Variants in RFTN1 observed in about 807,000 individuals in gnomAD.
RFTN1 encodes the protein raftlin, lipid raft linker 1.
RFTN1 carries 26 observed loss-of-function variants against 46.5 expected under a neutral mutation model. The observed-to-expected ratio is 0.56, with a 90% CI of 0.41 to 0.78. The LOEUF is 0.78. RFTN1 is among the 30% of genes least tolerant of loss of function. The pLI, the probability that RFTN1 is intolerant of heterozygous loss-of-function variation, is 0.00. For synonymous variants in RFTN1, 261 were observed against 284.2 expected (o/e 0.92, Z 0.82); for missense variants, 693 against 718.7 (o/e 0.96, Z 0.41).
intron 2 of RFTN1, among the ~76,000 whole-genome samples, chr3:16,462,963 AAG>A (rs1340133770): frequency 6.6e-6 from 1 of 152,348 alleles, no homozygotes; most frequent in East Asian, 1.9e-4. Flanking sequence ...ACAATGAGCA[AAG>A]AGGTTTGGTT....
rs989816375 is a variant in RFTN1, at chr3:16,368,398, A to G, written c.1030+1678T>C. ...TAAAGACACGTATATTCGGCCGGGC[A>G]CAGTGGCTCACGCCTGTAATCCCAG... On this transcript the variant is annotated intron_variant, in intron 6 of 9. Transcript: ENST00000334133. 8.5e-5 allele frequency among the ~76,000 whole-genome samples: 13 copies of G among 152,318 alleles called. No homozygotes were observed. In the East Asian group the frequency reaches 2.1e-3, roughly 25 times the overall value.
rs1004067315 is a variant in RFTN1, at chr3:16,346,485, T to C, written c.1146+11447A>G. ...CAAACCGTCAACAAGTCCAGTCTTC[T>C]TGAAAATACCTCTAGGAGCATCCTG... On this transcript the variant is annotated intron_variant, in intron 7 of 9. Transcript: ENST00000334133. This position sits in a 1 kb window ranked among gnomAD's most constrained non-coding sequence, Gnocchi z 4.4. 1 of 152,178 alleles carries C rather than the reference T, an allele frequency of 6.6e-6. No homozygotes were observed. The highest frequency in any genetic ancestry group is 1.5e-5 in the Non-Finnish European group (1 of 68,022). The allele number at this position is 152,178 out of a possible 1,614,324, so 9.4% of individuals were successfully genotyped here. A position where few individuals can be genotyped will look rare whatever the true frequency, so the allele number is the denominator to read the frequency against.
In RFTN1 at chr3:16,449,166, A is replaced by G. The variant is rs1239461963; in HGVS notation, c.146-15129T>C. On this transcript the variant is annotated intron_variant, in intron 2 of 9. Transcript: ENST00000334133. This position sits in a 1 kb window ranked among gnomAD's most constrained non-coding sequence, Gnocchi z 5.1. ...TTCATACGAAATGAGTAGGATTATT[A>G]CTTTGTTTTAACCAGAGTGCATTTT... Among the ~76,000 whole-genome samples, 1 of 152,230 alleles carries G rather than the reference A, an allele frequency of 6.6e-6. No homozygotes were observed. Among genetic ancestry groups the G allele is most frequent in the Non-Finnish European group, 1.5e-5 (1 of 68,034 alleles).
chr3:16,444,358 T>C (rs73022295), intron 2 of RFTN1, among the ~76,000 whole-genome samples: 6,876 of 152,318 alleles, frequency 0.045, 214 homozygotes, highest in Middle Eastern at 0.068. Flanking sequence ...AAATCCTGTA[T>C]GGATTTTCTA....
At chr3:16,463,645 T>G (rs1487789699) in intron 2 of RFTN1, among the ~76,000 whole-genome samples, 1 of 152,254 alleles carries the variant, frequency 6.6e-6, no homozygotes, top group Non-Finnish European at 1.5e-5. Context: ...TTGCTAAATA[T>G]AATTCTATTC....
chr3:16,317,977 G>A lies in RFTN1; in HGVS notation c.1333-745C>T, dbSNP rs1192538894. Among the ~76,000 whole-genome samples the A allele has an allele frequency of 6.6e-6, 1 of 152,208 alleles. No homozygotes were observed. Among genetic ancestry groups the A allele is most frequent in the East Asian group, 1.9e-4 (1 of 5,202 alleles). On this transcript the variant is annotated intron_variant, in intron 9 of 9. Transcript: ENST00000334133. The surrounding 1 kb of genome is among the most constrained non-coding windows in gnomAD (Gnocchi z 4.3). ...CCTCTGCCCGCTACTGTACCGACAA[G>A]TGTTCTAAGGTAACTCCCTCTAAAA...
chr3:16,373,606 A>C (rs1383359660), intron 5 of RFTN1, among the ~76,000 whole-genome samples: 2 of 152,160 alleles, frequency 1.3e-5, no homozygotes, highest in African/African-American at 2.4e-5. Flanking sequence ...TAAGCAGGGG[A>C]CTGGCTGGGC....
At chr3:16,493,908 G>T in intron 1 of RFTN1, 31 bp from the exon 2 acceptor site, 1 of 1,611,166 alleles carries the variant, frequency 6.2e-7, no homozygotes, top group South Asian at 1.1e-5. Flanking sequence ...GCGGGGAGGT[G>T]ATTTTTTTCT....
rs2071560709 is a variant in RFTN1 at position 16,345,234 on chromosome 3, C to A, written c.1146+12698G>T. ...GTTCAGCCCACCTGGATTTCTGGCC[C>A]ACAGAAACTGTAAGATAATAAGTAG... On this transcript the variant is annotated intron_variant, in intron 7 of 9. Transcript: ENST00000334133. The surrounding 1 kb of genome is among the most constrained non-coding windows in gnomAD (Gnocchi z 5.2). 6.7e-6 allele frequency: 1 copy of A among 148,352 alleles called. No homozygotes were observed. The highest frequency in any genetic ancestry group is 2.6e-5 in the African/African-American group (1 of 37,932). The allele number at this position is 148,352 out of a possible 1,614,324, so 9.2% of individuals were successfully genotyped here.
chr3:16,502,932 A>G (rs1443128808), intron 1 of RFTN1, among the ~76,000 whole-genome samples: 2 of 152,236 alleles, frequency 1.3e-5, no homozygotes, highest in African/African-American at 4.8e-5. Flanking sequence ...CAGGCAGTTC[A>G]TGTTAACAGA....
At chr3:16,472,986 A>T (rs960111648) in intron 2 of RFTN1, among the ~76,000 whole-genome samples, 1 of 152,228 alleles carries the variant, frequency 6.6e-6, no homozygotes. Context: ...AGAGTCAGAC[A>T]GGTAGGGCGA....
At position 16,450,513 on chromosome 3, in the gene RFTN1, A is replaced by G. The variant is rs985305216; in HGVS notation, c.146-16476T>C. Among the ~76,000 whole-genome samples, 23 of 152,204 alleles carry G rather than the reference A, an allele frequency of 1.5e-4. No individual in the cohort carries two copies. The highest frequency in any genetic ancestry group is 4.3e-4 in the African/African-American group (18 of 41,456). ...CCTGAAGTCCACCAGCATCCTGTTC[A>G]GGTTAACATGTCTCCCATGTCTATG... On this transcript the variant is annotated intron_variant, in intron 2 of 9. Transcript: ENST00000334133. This position sits in a 1 kb window ranked among gnomAD's most constrained non-coding sequence, Gnocchi z 4.6.
chr3:16,481,964 T>A lies in RFTN1; in HGVS notation c.145+11761A>T, dbSNP rs970555268. ...ACATACTCAAGCTCAGACTTGGCCTTCTGAATCTGAGCTGGAGGTCAAACC... is the reference window on the plus strand; with the variant it reads ...ACATACTCAAGCTCAGACTTGGCCTACTGAATCTGAGCTGGAGGTCAAACC... On this transcript the variant is annotated intron_variant, in intron 2 of 9. Transcript: ENST00000334133. This position sits in a 1 kb window ranked among gnomAD's most constrained non-coding sequence, Gnocchi z 5.1. 6.6e-6 allele frequency among the ~76,000 whole-genome samples: 1 copy of A among 152,198 alleles called. No homozygotes were observed. The highest frequency in any genetic ancestry group is 2.4e-5 in the African/African-American group (1 of 41,438).
At chr3:16,511,739 C>A (rs1410503481) in intron 1 of RFTN1, among the ~76,000 whole-genome samples, 4 of 152,032 alleles carry the variant, frequency 2.6e-5, no homozygotes, top group South Asian at 4.1e-4. Context: ...TCCCTACAGA[C>A]AAAGCAATTA....
Position 16,417,009 on chromosome 3 carries a change from C to CT in RFTN1, c.333-7527dup, listed in dbSNP as rs72060599. On this transcript the variant is annotated intron_variant, in intron 3 of 9. Transcript: ENST00000334133. The stretch of plus-strand genomic sequence containing the variant: ...ATTTCCAGAACTTGTTTTTCTTTTT[C>CT]TTTTTTTTTTTTTTTTTGAGACAGG... 1.2e-3 allele frequency among the ~76,000 whole-genome samples: 148 copies of CT among 121,290 alleles called. 2 individuals carry two copies. The highest frequency in any genetic ancestry group is 8.2e-3 in the East Asian group (35 of 4,284). The allele number at this position is 121,290 out of a possible 152,430, so 79.6% of individuals were successfully genotyped here. A position where few individuals can be genotyped will look rare whatever the true frequency, so the allele number is the denominator to read the frequency against.
rs2074954512 is a variant in RFTN1, at chr3:16,410,197, A to G, written c.333-714T>C. ...TATAGAATGATGGGTTTGGTACAAT[A>G]CAGCTTACATGTTATACACACACAC... On this transcript the variant is annotated intron_variant, in intron 3 of 9. Coordinates refer to ENST00000334133, the MANE Select transcript of RFTN1 (RefSeq NM_015150.2). The surrounding 1 kb of genome is among the most constrained non-coding windows in gnomAD (Gnocchi z 4.6). Among the ~76,000 whole-genome samples the G allele has an allele frequency of 6.7e-6, 1 of 149,700 alleles. No individual in the cohort carries two copies. Among genetic ancestry groups the G allele is most frequent in the Admixed American group, 6.7e-5 (1 of 14,934 alleles).
intron 1 of RFTN1, among the ~76,000 whole-genome samples, chr3:16,501,179 G>A (rs1445396880): frequency 6.6e-6 from 1 of 152,120 alleles, no homozygotes; most frequent in Non-Finnish European, 1.5e-5. Flanking sequence ...ACAGCACAGC[G>A]CCAAATACTT....
chr3:16,384,336 C>A lies in RFTN1; in HGVS notation c.442-6234G>T, dbSNP rs549749166. Among the ~76,000 whole-genome samples, 2 of 152,294 alleles carry A rather than the reference C, an allele frequency of 1.3e-5. No individual in the cohort carries two copies. The highest frequency in any genetic ancestry group is 2.4e-5 in the African/African-American group (1 of 41,570). On this transcript the variant is annotated intron_variant, in intron 4 of 9. Coordinates refer to ENST00000334133, the MANE Select transcript of RFTN1 (RefSeq NM_015150.2). The surrounding 1 kb of genome is among the most constrained non-coding windows in gnomAD (Gnocchi z 4.7). The stretch of plus-strand genomic sequence containing the variant: ...TAGGGGAAAATAAGATAGCACAGGG[C>A]AAGTTGATGGAGGTCTCTAAATCTA...
At position 16,402,913 on chromosome 3, in the gene RFTN1, C is replaced by A. The variant is rs1189811973; in HGVS notation, c.441+6462G>T. 6.6e-6 allele frequency among the ~76,000 whole-genome samples: 1 copy of A among 152,142 alleles called. No individual in the cohort carries two copies. Among genetic ancestry groups the A allele is most frequent in the Non-Finnish European group, 1.5e-5 (1 of 68,028 alleles). On this transcript the variant is annotated intron_variant, in intron 4 of 9. Coordinates refer to ENST00000334133, the MANE Select transcript of RFTN1 (RefSeq NM_015150.2). This position sits in a 1 kb window ranked among gnomAD's most constrained non-coding sequence, Gnocchi z 4.5. ...TAGTTCTTAAGGAGATCAGGGAGGT[C>A]AGGAGCTCCATCACAAAAGGGAGTC... is the stretch of plus-strand genomic sequence containing the variant.
Sources: allele counts gnomAD v4.1 joint callset (sites outside exome capture counted in the v4.1 genomes callset), GRCh38; gene constraint gnomAD v4.1.1; non-coding constraint Gnocchi (gnomAD v3.1); transcripts MANE v1.5; gene names NCBI Gene and HGNC (gene_info 2026-07-23, HGNC 2026-07-21).